Variants in TTC21B observed in about 807,000 individuals in gnomAD.
The protein encoded by TTC21B is tetratricopeptide repeat domain 21B.
TTC21B carries 127 observed loss-of-function variants against 175.1 expected under a neutral mutation model. The observed-to-expected ratio is 0.73, with a 90% CI of 0.63 to 0.84. TTC21B has a LOEUF of 0.84. Ranked by LOEUF, TTC21B falls within the 40% of genes least tolerant of loss-of-function variation. TTC21B has a pLI of 0.00. For missense variants in TTC21B, 1,561 were observed against 1,558.3 expected (o/e 1.00, Z -0.03); for synonymous variants, 524 against 524.5 (o/e 1.00, Z 0.01).
intron 8 of TTC21B, among the ~76,000 whole-genome samples, chr2:165,931,127 T>G (rs183100166): frequency 1.1e-4 from 17 of 152,210 alleles, no homozygotes; most frequent in Admixed American, 9.2e-4. Context: ...CAATCTGATA[T>G]CTTTGTTTTT....
chr2:165,902,103 T>A (rs778007407), intron 19 of TTC21B, among the ~76,000 whole-genome samples, 193 bp from the exon 20 acceptor site: 3 of 152,208 alleles, frequency 2.0e-5, no homozygotes, highest in Non-Finnish European at 4.4e-5. Context: ...CACACATATA[T>A]CTTTCCAACA....
rs145213653 is a variant in TTC21B, at chr2:165,890,900, C to T, written c.3039G>A (p.Glu1013=). ...CCAATTTTGCTCTGGAGTTACGTTT[C>T]TCAGCCATTGAGAAAAATCTTGGGA... ...EDVPRFFSMA[E]KRNSRAKLEP... is the part of the protein sequence containing the mutation. The change falls in exon 23 of 29, where the codon GAG becomes GAA. Residue 1013 remains glutamate (E), a synonymous_variant. Transcript: ENST00000243344. The T allele has an allele frequency of 6.8e-6, 11 of 1,613,316 alleles. No homozygotes were observed. In the African/African-American group the frequency reaches 9.4e-5, roughly 14 times the overall value.
chr2:165,914,682 T>TGTGTGTGTGTACGTGCGCGCGCGCGCGC (rs1686088578), intron 15 of TTC21B, among the ~76,000 whole-genome samples: 3 of 149,844 alleles, frequency 2.0e-5, no homozygotes, highest in East Asian at 2.0e-4. Flanking sequence ...TGTGTGTGTG[T>TGTGTGTGTGTACGTGCGCGCGCGCGCGC]GTGTGTGTGT....
rs1236971574 is a variant in TTC21B at position 165,945,634 on chromosome 2, C to T, written c.319G>A (p.Gly107Arg). 1.2e-6 allele frequency: 2 copies of T among 1,613,750 alleles called. No homozygotes were observed. The highest frequency in any genetic ancestry group is 1.3e-5 in the African/African-American group (1 of 75,032). The change falls in exon 4 of 29, where the codon GGA becomes AGA. Residue 107 changes from glycine (G) to arginine (R), a missense_variant. Transcript: ENST00000243344. ...ARVKEQRKGA[G>R]EKALYHAGLF... is the part of the protein sequence containing the mutation. ...CCTGCATGGTATAAGGCTTTCTCTCCAGCTCCTTTACGTTGTTCCTTCACT... is the reference window on the plus strand; with the variant it reads ...CCTGCATGGTATAAGGCTTTCTCTCTAGCTCCTTTACGTTGTTCCTTCACT...
intron 22 of TTC21B, among the ~76,000 whole-genome samples, chr2:165,898,251 T>C (rs1303303370): frequency 6.6e-6 from 1 of 152,086 alleles, no homozygotes; most frequent in East Asian, 1.9e-4. Flanking sequence ...ACAGGCGGGA[T>C]CACAGGCCTG....
intron 6 of TTC21B, among the ~76,000 whole-genome samples, chr2:165,938,229 C>T (rs956046276): frequency 6.6e-5 from 10 of 151,562 alleles, no homozygotes; most frequent in South Asian, 2.1e-4. Context: ...CTGGAAATAA[C>T]GGAAAAGACT....
rs1574121074 is a variant in TTC21B, at chr2:165,930,275, T to C, written c.984A>G (p.Thr328=). ...GTAAAATCATTTGGTATCCAAGTTC[T>C]GTAGCAAATTCTGATTGCTGAGGGT... ...SLNPQQSEFA[T]ELGYQMILQG... The change falls in exon 9 of 29, where the codon ACA becomes ACG. Residue 328 remains threonine (T), a synonymous_variant. Transcript: ENST00000243344. 6.2e-7 allele frequency: 1 copy of C among 1,613,328 alleles called. No homozygotes were observed. Among genetic ancestry groups the C allele is most frequent in the South Asian group, 1.1e-5 (1 of 91,044 alleles).
At chr2:165,883,171 C>T (rs1038376855) in intron 26 of TTC21B, among the ~76,000 whole-genome samples, 1 of 151,800 alleles carries the variant, frequency 6.6e-6, no homozygotes, top group African/African-American at 2.4e-5. Context: ...AAGTTGTGTG[C>T]AATTATTTCT....
chr2:165,895,343 C>G (rs1685327632), intron 22 of TTC21B, among the ~76,000 whole-genome samples: 1 of 152,098 alleles, frequency 6.6e-6, no homozygotes, highest in African/African-American at 2.4e-5. Flanking sequence ...AAGGCTGCTG[C>G]CAAGCAACAG....
intron 6 of TTC21B, among the ~76,000 whole-genome samples, chr2:165,940,186 A>G (rs1401012803): frequency 2.0e-5 from 3 of 152,116 alleles, no homozygotes; most frequent in Non-Finnish European, 4.4e-5. Context: ...AAGCACTTCC[A>G]CCACAACTAT....
chr2:165,904,612 A>T (rs546162643), intron 19 of TTC21B, among the ~76,000 whole-genome samples: 96 of 152,350 alleles, frequency 6.3e-4, no homozygotes, highest in South Asian at 4.3e-3. Context: ...GTTAGGACTG[A>T]GGCATCTGCA....
intron 10 of TTC21B, 49 bp downstream of exon 10, chr2:165,929,601 A>G: frequency 7.5e-7 from 1 of 1,333,934 alleles, no homozygotes; most frequent in Non-Finnish European, 1.1e-6. Context: ...ATAATTTCAT[A>G]TTTTATAAAC....
chr2:165,895,276 T>C (rs1685325542), intron 22 of TTC21B, among the ~76,000 whole-genome samples: 2 of 152,180 alleles, frequency 1.3e-5, no homozygotes, highest in African/African-American at 4.8e-5. Flanking sequence ...ATTGCTTTTA[T>C]ATTTGTTTAC....
At chr2:165,897,310 A>C (rs375047564) in intron 22 of TTC21B, among the ~76,000 whole-genome samples, 1 of 152,162 alleles carries the variant, frequency 6.6e-6, no homozygotes, top group Non-Finnish European at 1.5e-5. Flanking sequence ...AATGCCTTAG[A>C]CCAGGGTGGC....
At chr2:165,878,550 G>A (rs1684742605) in intron 27 of TTC21B, among the ~76,000 whole-genome samples, 2 of 149,028 alleles carry the variant, frequency 1.3e-5, no homozygotes, top group Non-Finnish European at 3.0e-5. Context: ...AGATATATGT[G>A]TGTGTGTGTA....
chr2:165,940,976 C>A, intron 6 of TTC21B, 51 bp downstream of exon 6: 1 of 1,605,704 alleles, frequency 6.2e-7, no homozygotes, highest in South Asian at 1.1e-5. Flanking sequence ...CGCTTTTTCT[C>A]AAAATTATAA....
chr2:165,888,240 A>G (rs770348186), intron 25 of TTC21B, 39 bp downstream of exon 25: 1 of 1,432,258 alleles, frequency 7.0e-7, no homozygotes, highest in Non-Finnish European at 9.9e-7. Flanking sequence ...ACTACCAAAT[A>G]AAGATACCAC....
At chr2:165,894,101 A>G (rs1329391007) in intron 22 of TTC21B, among the ~76,000 whole-genome samples, 2 of 152,166 alleles carry the variant, frequency 1.3e-5, no homozygotes, top group Non-Finnish European at 2.9e-5. Flanking sequence ...GCACTAGTTC[A>G]GATGAGAGGT....
chr2:165,940,276 C>T (rs911193291), intron 6 of TTC21B, among the ~76,000 whole-genome samples: 1 of 152,174 alleles, frequency 6.6e-6, no homozygotes, highest in Non-Finnish European at 1.5e-5. Flanking sequence ...TGCCTGCTCG[C>T]CCACAGTCTG....
Sources: allele counts gnomAD v4.1 joint callset (sites outside exome capture counted in the v4.1 genomes callset), GRCh38; gene constraint gnomAD v4.1.1; transcripts MANE v1.5; gene names NCBI Gene and HGNC (gene_info 2026-07-23, HGNC 2026-07-21).